Variants in FRAS1 observed in about 807,000 individuals in gnomAD.
The protein encoded by FRAS1 is Fraser extracellular matrix complex subunit 1.
A neutral mutation model predicts 435.2 loss-of-function variants in FRAS1; 290 were observed. The observed-to-expected ratio is 0.67, with a 90% CI of 0.61 to 0.73. FRAS1 has a LOEUF of 0.73. Ranked by LOEUF, FRAS1 falls within the 30% of genes least tolerant of loss-of-function variation. The pLI, the probability that FRAS1 is intolerant of heterozygous loss-of-function variation, is 0.00. For missense variants in FRAS1, 4,860 were observed against 5,001.5 expected, an observed-to-expected ratio of 0.97 and a Z score of 0.85; for synonymous variants, 1,800 against 1,851.0, an observed-to-expected ratio of 0.97 and a Z score of 0.71.
At position 78,248,277 on chromosome 4, in the gene FRAS1, T is replaced by C. The variant is rs563630607; in HGVS notation, c.309+2952T>C. Among the ~76,000 whole-genome samples the C allele has an allele frequency of 1.5e-3, 225 of 152,350 alleles. 2 individuals carry two copies. Among genetic ancestry groups the C allele is most frequent in the African/African-American group, 5.3e-3 (219 of 41,590 alleles). On this transcript the variant is annotated intron_variant, in intron 4 of 73. Coordinates refer to ENST00000512123, the MANE Select transcript of FRAS1 (RefSeq NM_025074.7). ...TAACTTTTGGATTTGTGCCTCGCCA[T>C]GCCAACCAGCCAGGGAGGCAAGCCT... is the stretch of plus-strand genomic sequence containing the variant.
In FRAS1 at chr4:78,284,692, A is replaced by T; in HGVS notation, c.1399+144A>T. On this transcript the variant is annotated intron_variant, in intron 13 of 73. Coordinates refer to ENST00000512123, the MANE Select transcript of FRAS1 (RefSeq NM_025074.7). ...TTTTTGAGATGCACAACGTCTAAAA[A>T]CCTCTAGAAGGTAGTAATGTCATCT... 5.8e-6 allele frequency: 4 copies of T among 687,540 alleles called. No homozygotes were observed. In the South Asian group the frequency reaches 1.1e-4, roughly 19 times the overall value. 42.6% of individuals were successfully genotyped at this position (687,540 alleles called of 1,614,324 possible).
At chr4:78,538,778 CTCTG>C (rs1721960807) in intron 72 of FRAS1, among the ~76,000 whole-genome samples, 1 of 152,028 alleles carries the variant, frequency 6.6e-6, no homozygotes, top group Admixed American at 6.5e-5. Context: ...CACAGTGAAA[CTCTG>C]TCTTTACTAA....
intron 35 of FRAS1, 98 bp from the exon 36 acceptor site, chr4:78,428,997 C>T: frequency 1.5e-6 from 2 of 1,302,130 alleles, no homozygotes; most frequent in Non-Finnish European, 2.1e-6. Context: ...TGGAAACTGC[C>T]TGAAGAGGAC....
chr4:78,376,022 A>T (rs1731747087), intron 26 of FRAS1, 143 bp downstream of exon 26: 1 of 885,222 alleles, frequency 1.1e-6, no homozygotes, highest in East Asian at 2.7e-5. Flanking sequence ...CTAAGGAGTA[A>T]GGGACTCTTT....
At chr4:78,478,117 T>C (rs760881108) in intron 55 of FRAS1, 56 bp downstream of exon 55, 854 of 1,501,724 alleles carry the variant, frequency 5.7e-4, no homozygotes, top group Non-Finnish European at 7.0e-4. Context: ...ATTTATTGAG[T>C]TCCTATTATG....
At chr4:78,302,715 T>C (rs1728477342) in intron 14 of FRAS1, among the ~76,000 whole-genome samples, 1 of 152,196 alleles carries the variant, frequency 6.6e-6, no homozygotes, top group Non-Finnish European at 1.5e-5. Context: ...TGTTTTTTTT[T>C]CTTGTAAATT....
intron 69 of FRAS1, among the ~76,000 whole-genome samples, chr4:78,525,919 A>G (rs938959828): frequency 1.3e-5 from 2 of 152,194 alleles, no homozygotes; most frequent in African/African-American, 4.8e-5. Context: ...TCTAATGAGA[A>G]GTGATCTTGT....
At chr4:78,294,244 A>T (rs561012093) in intron 14 of FRAS1, among the ~76,000 whole-genome samples, 1 of 152,312 alleles carries the variant, frequency 6.6e-6, no homozygotes, top group South Asian at 2.1e-4. Context: ...GAGGTCTGAA[A>T]ACTCTCCCCA....
At chr4:78,080,613 C>T (rs1740851204) in intron 2 of FRAS1, among the ~76,000 whole-genome samples, 1 of 152,100 alleles carries the variant, frequency 6.6e-6, no homozygotes, top group Non-Finnish European at 1.5e-5. Context: ...ATTTTCTATG[C>T]TCAGTTCTGC....
At chr4:78,073,164 T>C (rs1043532063) in intron 2 of FRAS1, among the ~76,000 whole-genome samples, 59 of 152,210 alleles carry the variant, frequency 3.9e-4, no homozygotes, top group African/African-American at 1.2e-3. Flanking sequence ...TGCTGGGTTT[T>C]TATAAATTGT....
At chr4:78,104,948 C>T (rs546206571) in intron 2 of FRAS1, among the ~76,000 whole-genome samples, 2 of 152,174 alleles carry the variant, frequency 1.3e-5, no homozygotes, top group African/African-American at 2.4e-5. Flanking sequence ...TTCAGCCTAA[C>T]CTTGCTTTGT....
At chr4:78,454,491 T>G (rs1175450743) in intron 47 of FRAS1, among the ~76,000 whole-genome samples, 1 of 152,210 alleles carries the variant, frequency 6.6e-6, no homozygotes, top group Non-Finnish European at 1.5e-5. Flanking sequence ...GCAAGTCACC[T>G]ACCTTTTTGT....
At chr4:78,310,168 G>A (rs1011911877) in intron 15 of FRAS1, among the ~76,000 whole-genome samples, 2 of 152,212 alleles carry the variant, frequency 1.3e-5, no homozygotes, top group Admixed American at 1.3e-4. Flanking sequence ...GCCTGAGCAT[G>A]TTAATCTTTT....
intron 59 of FRAS1, among the ~76,000 whole-genome samples, chr4:78,489,968 C>CAAAAAAAAAAAAAAAAAAAAAA (rs61568957): frequency 6.5e-5 from 6 of 92,598 alleles, no homozygotes; most frequent in Non-Finnish European, 8.2e-5. Context: ...TAGTGGAAAA[C>CAAAAAAAAAAAAAAAAAAAAAA]AAAAAAAAAA....
At chr4:78,065,172 GTA>G (rs898202440) in intron 1 of FRAS1, among the ~76,000 whole-genome samples, 27 of 142,814 alleles carry the variant, frequency 1.9e-4, no homozygotes, top group Admixed American at 1.0e-3. Flanking sequence ...GGGTATATAT[GTA>G]TATATATGTG....
intron 20 of FRAS1, among the ~76,000 whole-genome samples, chr4:78,338,888 A>G (rs886891990): frequency 1.3e-5 from 2 of 152,216 alleles, no homozygotes; most frequent in African/African-American, 4.8e-5. Context: ...TTTGCATATG[A>G]CATTAAAGAC....
chr4:78,535,832 G>A (rs1002285401), intron 71 of FRAS1, among the ~76,000 whole-genome samples: 3 of 152,050 alleles, frequency 2.0e-5, no homozygotes, highest in Non-Finnish European at 2.9e-5. Flanking sequence ...ATATATTCAA[G>A]TCCAGCCTCC....
rs1278558159 is a variant in FRAS1, at chr4:78,429,275, A to G, written c.4843+49A>G. The stretch of plus-strand genomic sequence containing the variant: ...AACATGGCTTTGGAAATGGGATCAT[A>G]TTGCTGCCCCTCTTCAAACCTCTTG... On this transcript the variant is annotated intron_variant, in intron 36 of 73. Coordinates refer to ENST00000512123, the MANE Select transcript of FRAS1 (RefSeq NM_025074.7). 8 of 1,562,802 alleles carry G rather than the reference A, an allele frequency of 5.1e-6. No individual in the cohort carries two copies. The South Asian group carries it at 7.3e-5, about 14-fold the overall frequency.
intron 2 of FRAS1, among the ~76,000 whole-genome samples, chr4:78,231,421 A>G (rs925923863): frequency 7.9e-5 from 12 of 152,068 alleles, no homozygotes; most frequent in African/African-American, 2.4e-4. Context: ...ACTGGTTTAT[A>G]TAATTCCACA....
Sources: allele counts gnomAD v4.1 joint callset (sites outside exome capture counted in the v4.1 genomes callset), GRCh38; gene constraint gnomAD v4.1.1; transcripts MANE v1.5; gene names NCBI Gene and HGNC (gene_info 2026-07-23, HGNC 2026-07-21).